Variants in ANXA2R observed in about 807,000 individuals in gnomAD.
ANXA2R encodes the protein annexin A2 receptor.
For missense variants in ANXA2R, 244 were observed against 241.5 expected, an observed-to-expected ratio of 1.01 and a Z score of -0.07; for synonymous variants, 93 against 93.6, an observed-to-expected ratio of 0.99 and a Z score of 0.04.
Position 43,040,229 on chromosome 5 carries a change from T to C in ANXA2R, c.-183A>G, listed in dbSNP as rs995331947. The C allele has an allele frequency of 5.4e-6, 3 of 558,738 alleles. No individual in the cohort carries two copies. The highest frequency in any genetic ancestry group is 3.6e-5 in the Admixed American group (1 of 27,448). The allele number at this position is 558,738 out of a possible 1,614,324, so 34.6% of individuals were successfully genotyped here. A position where few individuals can be genotyped will look rare whatever the true frequency, so the allele number is the denominator to read the frequency against. ...TGAAAAACGATAACATTTTAGAGAG[T>C]ACATAGAACCAAAACGAACCGTAAT... On this transcript the variant is annotated 5_prime_UTR_variant, in exon 1 of 1. Transcript: ENST00000616064.
chr5:43,040,788 C>G (rs1431552878), upstream of ANXA2R: 2 of 152,150 alleles, frequency 1.3e-5, no homozygotes, highest in African/African-American at 4.8e-5. Context: ...AACAGCGGCT[C>G]GGTGCAATCA....
At chr5:43,041,448 GA>G (rs1209535348), upstream of ANXA2R, 1 of 152,110 alleles carries the variant, frequency 6.6e-6, no homozygotes, top group South Asian at 2.1e-4. Flanking sequence ...TCTACAAGAG[GA>G]AAAAGTCTCG....
upstream of ANXA2R, chr5:43,042,541 G>A (rs372177973): frequency 6.5e-6 from 1 of 152,754 alleles, no homozygotes; most frequent in African/African-American, 2.4e-5. The surrounding 1 kb of genome is among the most constrained non-coding windows in gnomAD (Gnocchi z 5.6). Context: ...CGCCGCTGGC[G>A]AAAGAGCCAA....
upstream of ANXA2R, chr5:43,041,387 C>T (rs1413626780): frequency 1.3e-5 from 2 of 152,012 alleles, no homozygotes; most frequent in African/African-American, 2.4e-5. Context: ...CACGGTTAAA[C>T]GTGTTTAGCT....
chr5:43,042,529 C>G (rs1742218220), upstream of ANXA2R: 1 of 152,736 alleles, frequency 6.5e-6, no homozygotes, highest in Admixed American at 6.5e-5. This position sits in a 1 kb window ranked among gnomAD's most constrained non-coding sequence, Gnocchi z 5.6. Flanking sequence ...CCGCCGGCTT[C>G]GCGCCGCTGG....
At position 43,039,592 on chromosome 5, in the gene ANXA2R, G is replaced by A. The variant is rs1742149842; in HGVS notation, c.455C>T (p.Ala152Val). The A allele has an allele frequency of 6.2e-7, 1 of 1,614,046 alleles. No homozygotes were observed. The highest frequency in any genetic ancestry group is 8.5e-7 in the Non-Finnish European group (1 of 1,179,928). The change falls in exon 1 of 1, where the codon GCC becomes GTC. Residue 152 changes from alanine (A) to valine (V), a missense_variant. By Grantham distance (64) the Ala-to-Val change is moderately conservative. Transcript: ENST00000616064. ...CGGGAGGTGGCGCCACGGCTGGAGG[G>A]CAGGAGGATGGCGGCGTTCCAAAAG... ...GCLLERRHPP[A>V]LQPWRHLPGF...
Position 43,039,923 on chromosome 5 carries a change from G to C in ANXA2R, c.124C>G (p.Pro42Ala). The C allele has an allele frequency of 1.9e-6, 3 of 1,614,212 alleles. No homozygotes were observed. The South Asian group carries it at 3.3e-5, about 18-fold the overall frequency. ...DRGPWPLPLY[P>A]VLGEYSLDSC... Reference sequence around the variant, plus strand: ...TCCAGTGAGTACTCTCCTAGTACTGGATACAAAGGAAGAGGCCACGGCCCA... The same window carrying C: ...TCCAGTGAGTACTCTCCTAGTACTGCATACAAAGGAAGAGGCCACGGCCCA... The change falls in exon 1 of 1, where the codon CCA becomes GCA. Residue 42 changes from proline (P) to alanine (A), a missense_variant. By Grantham distance (27) the Pro-to-Ala change is conservative. Transcript: ENST00000616064.
chr5:43,040,626 G>A (rs558725523), upstream of ANXA2R: 254 of 153,182 alleles, frequency 1.7e-3, 3 homozygotes, highest in Middle Eastern at 0.024. Flanking sequence ...AACCAACTCT[G>A]TTTCAATGTG....
chr5:43,041,720 G>A (rs1309129914), upstream of ANXA2R: 1 of 151,880 alleles, frequency 6.6e-6, no homozygotes, highest in East Asian at 1.9e-4. Flanking sequence ...GCTAAAGCAA[G>A]TCTTACCAGT....
chr5:43,041,661 G>C (rs561505612), upstream of ANXA2R: 1 of 146,420 alleles, frequency 6.8e-6, no homozygotes, highest in East Asian at 2.0e-4. Context: ...AAAAAAAAAA[G>C]CATTCGCTGG....
Position 43,039,997 on chromosome 5 carries a change from T to A in ANXA2R, c.50A>T (p.Glu17Val). Residue 17 changes from glutamate (E) to valine (V), a missense_variant, in exon 1 of 1, where the codon GAG (glutamate) becomes GTG (valine). Transcript: ENST00000616064. ...TGGAGGCTGGGGCTCTGGCGCCACC[T>A]CTGCGGAATCCCAAGCCCGCTTCAC... ...GCVKRAWDSA[E>V]VAPEPQPPPI... 6.2e-7 allele frequency: 1 copy of A among 1,613,226 alleles called. No individual in the cohort carries two copies. The highest frequency in any genetic ancestry group is 8.5e-7 in the Non-Finnish European group (1 of 1,179,830).
upstream of ANXA2R, chr5:43,041,407 A>C (rs1742191948): frequency 6.6e-6 from 1 of 152,210 alleles, no homozygotes; most frequent in Non-Finnish European, 1.5e-5. Flanking sequence ...TACGTCTAAA[A>C]AATCGTAGTA....
At position 43,040,281 on chromosome 5, in the gene ANXA2R, G is replaced by T. The variant is rs986502886; in HGVS notation, c.-235C>A. ...CCGACAGAAAAACATGGCGAGAAAAGAAACCGAAATGAAATGACACTAAGC... is the reference window on the plus strand; with the variant it reads ...CCGACAGAAAAACATGGCGAGAAAATAAACCGAAATGAAATGACACTAAGC... On this transcript the variant is annotated 5_prime_UTR_variant, in exon 1 of 1. Transcript: ENST00000616064. 5 of 478,284 alleles carry T rather than the reference G, an allele frequency of 1.0e-5. No individual in the cohort carries two copies. Among genetic ancestry groups the T allele is most frequent in the Non-Finnish European group, 1.9e-5 (5 of 262,532 alleles). The allele number at this position is 478,284 out of a possible 1,614,324, so 29.6% of individuals were successfully genotyped here. A position where few individuals can be genotyped will look rare whatever the true frequency, so the allele number is the denominator to read the frequency against.
chr5:43,041,251 T>C (rs980849061), upstream of ANXA2R: 3 of 152,120 alleles, frequency 2.0e-5, no homozygotes, highest in Non-Finnish European at 4.4e-5. Context: ...GAACCAACCC[T>C]ACAAAGAAGA....
chr5:43,039,958 G>C lies in ANXA2R; in HGVS notation c.89C>G (p.Ser30Ter). ...AAGAGGCCACGGCCCACGATCTTCT[G>C]AACTCACAATAGGTGGAGGCTGGGG... Residue 30 changes from serine (S) to a stop codon, truncating the protein, a stop_gained, in exon 2 of 2, where the codon TCA becomes TGA. Transcript: ENST00000314890. LOFTEE classifies it low-confidence loss of function (END_TRUNC). The C allele has an allele frequency of 1.2e-6, 2 of 1,614,128 alleles. No homozygotes were observed. Among genetic ancestry groups the C allele is most frequent in the Non-Finnish European group, 1.7e-6 (2 of 1,180,038 alleles).
In ANXA2R at chr5:43,040,091, GTC is replaced by G. The variant is rs1742165415; in HGVS notation, c.-47_-46del. On this transcript the variant is annotated 5_prime_UTR_variant, in exon 1 of 1. The change creates a premature stop within an existing upstream ORF in the 5' untranslated region. Coordinates refer to ENST00000616064, the MANE Select transcript of ANXA2R (RefSeq NM_001014279.3). ...CGTTTGCGCTGATCAAGGAGGGAGA[GTC>G]TCTGCACTACCATCAGCCTGAGTAT... 2 of 1,531,526 alleles carry G rather than the reference GTC, an allele frequency of 1.3e-6. No homozygotes were observed. Among genetic ancestry groups the G allele is most frequent in the African/African-American group, 1.4e-5 (1 of 72,540 alleles). The allele number at this position is 1,531,526 out of a possible 1,614,324, so 94.9% of individuals were successfully genotyped here. A position where few individuals can be genotyped will look rare whatever the true frequency, so the allele number is the denominator to read the frequency against.
In ANXA2R at chr5:43,040,108, A is replaced by G. The variant is rs1226869946; in HGVS notation, c.-62T>C. ...GAGGGAGAGTCTCTGCACTACCATC[A>G]GCCTGAGTATTTATGCTCTGCAGAG... On this transcript the variant is annotated 5_prime_UTR_variant, in exon 1 of 1. The change abolishes the stop of an existing upstream ORF in the 5' untranslated region. Transcript: ENST00000616064. 2 of 1,486,420 alleles carry G rather than the reference A, an allele frequency of 1.3e-6. No individual in the cohort carries two copies. The highest frequency in any genetic ancestry group is 1.8e-6 in the Non-Finnish European group (2 of 1,101,942). The allele number at this position is 1,486,420 out of a possible 1,614,324, so 92.1% of individuals were successfully genotyped here. A position where few individuals can be genotyped will look rare whatever the true frequency, so the allele number is the denominator to read the frequency against.
chr5:43,040,747 C>T (rs1308126238), upstream of ANXA2R: 2 of 152,108 alleles, frequency 1.3e-5, no homozygotes, highest in Non-Finnish European at 2.9e-5. Context: ...GAAAAAGCGC[C>T]GGCTAATGGT....
chr5:43,040,012 G>T lies in ANXA2R; in HGVS notation c.35C>A (p.Ala12Asp), dbSNP rs199721528. 2.0e-5 allele frequency: 33 copies of T among 1,612,030 alleles called. No homozygotes were observed. Among genetic ancestry groups the T allele is most frequent in the Admixed American group, 6.7e-5 (4 of 59,680 alleles). Reference sequence around the variant, plus strand: ...TGGCGCCACCTCTGCGGAATCCCAAGCCCGCTTCACACAGCCAAGAAAATG... The same window carrying T: ...TGGCGCCACCTCTGCGGAATCCCAATCCCGCTTCACACAGCCAAGAAAATG... ...EQHFLGCVKR[A>D]WDSAEVAPEP... The change falls in exon 1 of 1, where the codon GCT becomes GAT. Residue 12 changes from alanine to aspartate, a missense_variant. Physicochemically the swap from Ala to Asp is moderately radical, Grantham distance 126. Transcript: ENST00000616064.
Sources: allele counts gnomAD v4.1 joint callset, GRCh38; gene constraint gnomAD v4.1.1; non-coding constraint Gnocchi (gnomAD v3.1); transcripts MANE v1.5; gene names NCBI Gene and HGNC (gene_info 2026-07-23, HGNC 2026-07-21).